RPS6KC1: variants seen among roughly 807,000 people sequenced by gnomAD.
RPS6KC1 encodes inactive ribosomal protein S6 kinase delta-1.
In RPS6KC1, 54 loss-of-function variants were observed where a neutral mutation model predicts 103.8. The ratio of observed to expected loss-of-function variants is 0.52; its 90% CI spans 0.42 to 0.65. The LOEUF is 0.65. RPS6KC1 is among the 30% of genes least tolerant of loss of function. The probability of loss-of-function intolerance (pLI) is 0.00; values close to 1 mark genes in which losing one functional copy is unlikely to be tolerated. For missense variants in RPS6KC1, 1,151 were observed against 1,253.8 expected (o/e 0.92, Z 1.24); for synonymous variants, 439 against 438.7 (o/e 1.00, Z -0.01).
the RPS6KC1 span, among the ~76,000 whole-genome samples, chr1:213,616,196 T>G: frequency 6.6e-6 from 1 of 152,326 alleles, no homozygotes; most frequent in South Asian, 2.1e-4. Context: ...AAGCTATTAG[T>G]GCACAGTACA....
the RPS6KC1 span, among the ~76,000 whole-genome samples, chr1:213,419,339 C>T: frequency 1.3e-5 from 2 of 152,190 alleles, no homozygotes; most frequent in East Asian, 3.9e-4. Flanking sequence ...ATTTGTTGGG[C>T]TTCAACTCTT....
chr1:213,216,456 G>A (rs2093662816), intron 8 of RPS6KC1, among the ~76,000 whole-genome samples: 1 of 152,172 alleles, frequency 6.6e-6, no homozygotes, highest in South Asian at 2.1e-4. Flanking sequence ...ACATTAGACA[G>A]ATCAACAAGA....
intron 8 of RPS6KC1, among the ~76,000 whole-genome samples, chr1:213,181,937 A>G (rs2092290536): frequency 6.6e-6 from 1 of 152,170 alleles, no homozygotes; most frequent in South Asian, 2.1e-4. Context: ...AATACAATGG[A>G]CTTTCTTTCT....
intron 1 of RPS6KC1, among the ~76,000 whole-genome samples, chr1:213,055,326 T>G (rs1316430002): frequency 6.7e-6 from 1 of 150,072 alleles, no homozygotes; most frequent in African/African-American, 2.4e-5. Context: ...AGTATGCACT[T>G]TTTTTTTTTG....
the RPS6KC1 span, among the ~76,000 whole-genome samples, chr1:213,694,221 T>G: frequency 6.6e-5 from 10 of 152,222 alleles, no homozygotes; most frequent in Non-Finnish European, 2.9e-5. Flanking sequence ...ATTCTGCTTT[T>G]TCAACTCTGA....
At chr1:213,213,498 C>T (rs1224709677) in intron 8 of RPS6KC1, among the ~76,000 whole-genome samples, 1 of 152,190 alleles carries the variant, frequency 6.6e-6, no homozygotes, top group East Asian at 1.9e-4. Context: ...ATCAGTCCTC[C>T]AGCTTTGTTC....
the RPS6KC1 span, among the ~76,000 whole-genome samples, chr1:213,375,232 T>C: frequency 3.3e-5 from 5 of 151,510 alleles, no homozygotes; most frequent in Non-Finnish European, 5.9e-5. Context: ...TTCACATACA[T>C]ACACATACAC....
At chr1:213,146,197 C>G (rs529328054) in intron 6 of RPS6KC1, among the ~76,000 whole-genome samples, 1 of 151,404 alleles carries the variant, frequency 6.6e-6, no homozygotes, top group South Asian at 2.1e-4. Context: ...TCAGTTCCAT[C>G]CATGGCGTCG....
the RPS6KC1 span, among the ~76,000 whole-genome samples, chr1:213,566,437 G>GTTTTTTTTTTT: frequency 6.2e-5 from 3 of 48,524 alleles, no homozygotes; most frequent in Non-Finnish European, 1.1e-4. Context: ...TCAGCCTTTA[G>GTTTTTTTTTTT]TTTTTTTTTT....
intron 6 of RPS6KC1, among the ~76,000 whole-genome samples, chr1:213,165,623 C>T (rs1187865715): frequency 2.0e-5 from 3 of 152,140 alleles, no homozygotes; most frequent in African/African-American, 4.8e-5. Flanking sequence ...CGGGGTTTCA[C>T]CATGTTAGCC....
the RPS6KC1 span, among the ~76,000 whole-genome samples, chr1:213,396,302 T>C: frequency 6.6e-6 from 1 of 152,274 alleles, no homozygotes; most frequent in South Asian, 2.1e-4. Context: ...GTGGGCATGG[T>C]GGTGTCTGGA....
the RPS6KC1 span, among the ~76,000 whole-genome samples, chr1:213,370,666 A>G: frequency 6.6e-6 from 1 of 152,242 alleles, no homozygotes; most frequent in Non-Finnish European, 1.5e-5. Context: ...GTCCCATTCA[A>G]TAGATGAGCA....
At chr1:213,291,368 C>T in the RPS6KC1 span, among the ~76,000 whole-genome samples, 1 of 152,214 alleles carries the variant, frequency 6.6e-6, no homozygotes, top group Admixed American at 6.5e-5. Flanking sequence ...GCCTCTCGCA[C>T]TTTATTTTCA....
chr1:213,107,767 C>G (rs2148810464), intron 4 of RPS6KC1, among the ~76,000 whole-genome samples: 1 of 152,298 alleles, frequency 6.6e-6, no homozygotes, highest in Admixed American at 6.5e-5. Context: ...TTTGAACTTA[C>G]CAGTTGTTCC....
chr1:213,687,494 A>T, the RPS6KC1 span, among the ~76,000 whole-genome samples: 1 of 152,174 alleles, frequency 6.6e-6, no homozygotes, highest in African/African-American at 2.4e-5. Flanking sequence ...ATTATGTCTA[A>T]TATCACATAC....
At chr1:213,227,890 A>AT (rs2093996420) in intron 8 of RPS6KC1, among the ~76,000 whole-genome samples, 1 of 152,214 alleles carries the variant, frequency 6.6e-6, no homozygotes, top group African/African-American at 2.4e-5. Flanking sequence ...ACCCACCCAG[A>AT]TAATCCAGTG....
chr1:213,521,275 A>G, the RPS6KC1 span, among the ~76,000 whole-genome samples: 1 of 152,218 alleles, frequency 6.6e-6, no homozygotes, highest in Non-Finnish European at 1.5e-5. Context: ...ATAAAAGTTA[A>G]TGTTTACACT....
At chr1:213,343,440 T>TATATATATATACACAC in the RPS6KC1 span, among the ~76,000 whole-genome samples, 2 of 80,380 alleles carry the variant, frequency 2.5e-5, no homozygotes, top group Admixed American at 1.2e-4. Flanking sequence ...TATATATATA[T>TATATATATATACACAC]ACATACCATG....
At chr1:213,181,032 G>A (rs2092236032) in intron 8 of RPS6KC1, among the ~76,000 whole-genome samples, 1 of 152,222 alleles carries the variant, frequency 6.6e-6, no homozygotes, top group Non-Finnish European at 1.5e-5. Flanking sequence ...ACTGGGGGAA[G>A]CTGGGTGAAG....
Sources: gnomAD v4.1 joint callset for allele counts (sites outside exome capture counted in the v4.1 genomes callset) on GRCh38, gnomAD v4.1.1 for gene constraint, MANE v1.5 for transcripts, NCBI Gene and HGNC (gene_info 2026-07-23, HGNC 2026-07-21) for gene names.